The following PPIA variants were observed in gnomAD, a reference collection of about 807,000 sequenced individuals.
The protein encoded by PPIA is peptidyl-prolyl cis-trans isomerase A.
PPIA carries 2 observed loss-of-function variants against 15.3 expected under a neutral mutation model. The ratio of observed to expected loss-of-function variants is 0.13; its 90% CI spans 0.05 to 0.41. The LOEUF (loss-of-function observed/expected upper bound fraction) is 0.41. PPIA is among the 10% of genes least tolerant of loss of function. PPIA has a pLI of 0.99. For synonymous variants in PPIA, 67 were observed against 73.1 expected (o/e 0.92, Z 0.43); for missense variants, 103 against 210.3 (o/e 0.49, Z 3.16).
rs576293231 is a variant in PPIA at position 44,800,867 on chromosome 7, G to A, written c.363-420G>A. 7.2e-5 allele frequency among the ~76,000 whole-genome samples: 11 copies of A among 152,200 alleles called. No individual in the cohort carries two copies. The East Asian group carries it at 9.7e-4, about 13-fold the overall frequency. Reference sequence around the variant, plus strand: ...GAGTTTCGCTCTGTCGCCCAGGCTGGAGTGCAGTGGCGCGATCTCGGCTCA... The same window carrying A: ...GAGTTTCGCTCTGTCGCCCAGGCTGAAGTGCAGTGGCGCGATCTCGGCTCA... On this transcript the variant is annotated intron_variant, in intron 4 of 4. Coordinates refer to ENST00000468812, the MANE Select transcript of PPIA (RefSeq NM_021130.5).
chr7:44,799,975 A>G lies in PPIA; in HGVS notation c.362+101A>G, dbSNP rs894474022. 8.1e-6 allele frequency: 10 copies of G among 1,236,550 alleles called. No individual in the cohort carries two copies. In the African/African-American group the frequency reaches 1.5e-4, roughly 18 times the overall value. 76.6% of individuals were successfully genotyped at this position (1,236,550 alleles called of 1,614,324 possible). A position where few individuals can be genotyped will look rare whatever the true frequency, so the allele number is the denominator to read the frequency against. On this transcript the variant is annotated intron_variant, in intron 4 of 4. Transcript: ENST00000468812. The stretch of plus-strand genomic sequence containing the variant: ...TTTTCTTCAACCTTTGCTTCCACAG[A>G]CTTTTTCATCCCTAAGATACTAGAA...
chr7:44,799,484 C>G lies in PPIA; in HGVS notation c.189+4C>G. 11 of 1,609,976 alleles carry G rather than the reference C, an allele frequency of 6.8e-6. No homozygotes were observed. Among genetic ancestry groups the G allele is most frequent in the Non-Finnish European group, 9.3e-6 (11 of 1,178,816 alleles). The stretch of plus-strand genomic sequence containing the variant: ...TATTCCAGGGTTTATGTGTCAGGTA[C>G]GAAATTTACTGAATTTTATTTTATT... On this transcript the variant is annotated splice_donor_region_variant and intron_variant, in intron 3 of 4. Transcript: ENST00000468812.
chr7:44,802,384 G>C lies in PPIA; in HGVS notation c.*962G>C, dbSNP rs896643259. The C allele has an allele frequency of 6.6e-6, 1 of 152,036 alleles. No individual in the cohort carries two copies. Among genetic ancestry groups the C allele is most frequent in the Non-Finnish European group, 1.5e-5 (1 of 68,030 alleles). The allele number at this position is 152,036 out of a possible 1,614,324, so 9.4% of individuals were successfully genotyped here. On this transcript the variant is annotated 3_prime_UTR_variant, in exon 5 of 5. Transcript: ENST00000468812. ...GGCTGGTCTCAAACTCTTGACCTCA[G>C]CTGATGCGCCTGCCTTGGCCTCCCA... is the stretch of plus-strand genomic sequence containing the variant.
chr7:44,799,298 T>C lies in PPIA; in HGVS notation c.100+21T>C, dbSNP rs371860718. The C allele has an allele frequency of 1.1e-5, 17 of 1,613,302 alleles. No individual in the cohort carries two copies. The African/African-American group carries it at 2.0e-4, about 19-fold the overall frequency. On this transcript the variant is annotated intron_variant, in intron 2 of 4. Transcript: ENST00000468812. Reference sequence around the variant, plus strand: ...AGCAGGTTGGTCCATTTTCTAAGTTTAACAAAGATGTTCCAATTGTGACAG... The same window carrying C: ...AGCAGGTTGGTCCATTTTCTAAGTTCAACAAAGATGTTCCAATTGTGACAG...
At chr7:44,799,953 T>A in intron 4 of PPIA, 79 bp downstream of exon 4, 1 of 1,445,348 alleles carries the variant, frequency 6.9e-7, no homozygotes, top group Non-Finnish European at 9.5e-7. Context: ...ACACTACTTT[T>A]CTTCAACCTT....
intron 1 of PPIA, among the ~76,000 whole-genome samples, chr7:44,797,658 C>T (rs568083507): frequency 1.1e-4 from 16 of 152,272 alleles, no homozygotes; most frequent in African/African-American, 3.9e-4. Context: ...GTTTTGAGAG[C>T]GTTAAATGAG....
chr7:44,800,849 G>A (rs981875185), intron 4 of PPIA, among the ~76,000 whole-genome samples: 3 of 151,624 alleles, frequency 2.0e-5, no homozygotes, highest in East Asian at 2.0e-4. Context: ...ATGGAGTTTC[G>A]CTCTGTCGCC....
Position 44,796,780 on chromosome 7 carries a change from G to A in PPIA, c.56G>A (p.Arg19His). Residue 19 changes from arginine (R) to histidine (H), a missense_variant, in exon 1 of 5, where the codon CGC (arginine) becomes CAC (histidine). Arg to His is a conservative substitution (Grantham distance 29, BLOSUM62 0). Transcript: ENST00000468812. Reference protein sequence around the residue: ...DIAVDGEPLGRVSFELFADKV... With the variant: ...DIAVDGEPLGHVSFELFADKV... ...GCCGTCGACGGCGAGCCCTTGGGCC[G>A]CGTCTCCTTTGAGGTCGGGCGGGCG... 1 of 1,608,882 alleles carries A rather than the reference G, an allele frequency of 6.2e-7. No individual in the cohort carries two copies. Among genetic ancestry groups the A allele is most frequent in the Non-Finnish European group, 8.5e-7 (1 of 1,178,294 alleles).
chr7:44,800,848 C>G (rs1403582555), intron 4 of PPIA, among the ~76,000 whole-genome samples: 1 of 151,914 alleles, frequency 6.6e-6, no homozygotes, highest in East Asian at 1.9e-4. Context: ...GATGGAGTTT[C>G]GCTCTGTCGC....
Position 44,796,686 on chromosome 7 carries a change from G to C in PPIA, c.-39G>C, listed in dbSNP as rs773289798. On this transcript the variant is annotated 5_prime_UTR_variant, in exon 1 of 5. Transcript: ENST00000468812. ...CGGGAGGCCAGGCTCGTGCCGTTTT[G>C]CAGACGCCACCGCCGAGGAAAACCG... 2.6e-5 allele frequency: 41 copies of C among 1,600,132 alleles called. No homozygotes were observed. Among genetic ancestry groups the C allele is most frequent in the Admixed American group, 1.2e-4 (7 of 59,948 alleles).
chr7:44,802,091 G>A lies in PPIA; in HGVS notation c.*669G>A, dbSNP rs1225728868. The A allele has an allele frequency of 1.3e-5, 2 of 152,326 alleles. No homozygotes were observed. Among genetic ancestry groups the A allele is most frequent in the African/African-American group, 4.8e-5 (2 of 41,392 alleles). The allele number at this position is 152,326 out of a possible 1,614,324, so 9.4% of individuals were successfully genotyped here. A position where few individuals can be genotyped will look rare whatever the true frequency, so the allele number is the denominator to read the frequency against. On this transcript the variant is annotated 3_prime_UTR_variant, in exon 5 of 5. Transcript: ENST00000468812. Reference sequence around the variant, plus strand: ...AAAAGCAAGGAGCCAGAATTAAGAGGTTGGGTCAGTCTGCAGTGAGTTCAT... The same window carrying A: ...AAAAGCAAGGAGCCAGAATTAAGAGATTGGGTCAGTCTGCAGTGAGTTCAT...
chr7:44,800,397 G>GTTTTTTTTTTT (rs139479853), intron 4 of PPIA: 2 of 90,948 alleles, frequency 2.2e-5, no homozygotes, highest in African/African-American at 6.2e-5. Context: ...CCAATTAAGT[G>GTTTTTTTTTTT]CTTTTTTTTT....
Position 44,802,147 on chromosome 7 carries a change from T to C in PPIA, c.*725T>C, listed in dbSNP as rs560929101. 3 of 149,182 alleles carry C rather than the reference T, an allele frequency of 2.0e-5. No homozygotes were observed. In the Admixed American group the frequency reaches 2.0e-4, roughly 10 times the overall value. 9.2% of individuals were successfully genotyped at this position (149,182 alleles called of 1,614,324 possible). ...TAGAGGTGTTCTTCAAGATGACTAATGTCAAAAATTGAGACATCTGTTGCG... is the reference window on the plus strand; with the variant it reads ...TAGAGGTGTTCTTCAAGATGACTAACGTCAAAAATTGAGACATCTGTTGCG... On this transcript the variant is annotated 3_prime_UTR_variant, in exon 5 of 5. Transcript: ENST00000468812.
chr7:44,798,682 A>G, intron 1 of PPIA: 1 of 901,662 alleles, frequency 1.1e-6, no homozygotes, highest in African/African-American at 1.8e-5. Flanking sequence ...AACGTATTAT[A>G]CATTCAAGAA....
rs11539970 is a variant in PPIA, at chr7:44,796,712, T to A, written c.-13T>A. 8 of 1,609,890 alleles carry A rather than the reference T, an allele frequency of 5.0e-6. No homozygotes were observed. The highest frequency in any genetic ancestry group is 5.9e-6 in the Non-Finnish European group (7 of 1,178,442). ...CAGACGCCACCGCCGAGGAAAACCG[T>A]GTACTATTAGCCATGGTCAACCCCA... On this transcript the variant is annotated 5_prime_UTR_variant, in exon 1 of 5. Coordinates refer to ENST00000468812, the MANE Select transcript of PPIA (RefSeq NM_021130.5).
chr7:44,796,879 C>A, intron 1 of PPIA, 86 bp downstream of exon 1: 2 of 1,401,008 alleles, frequency 1.4e-6, no homozygotes, highest in Non-Finnish European at 9.6e-7. Context: ...GGCCCGGGCG[C>A]GGGGCGACCC....
chr7:44,800,788 T>A (rs1792529915), intron 4 of PPIA, among the ~76,000 whole-genome samples: 1 of 152,000 alleles, frequency 6.6e-6, no homozygotes, highest in African/African-American at 2.4e-5. Flanking sequence ...TTTTGTTTGT[T>A]TTTGGGGGAG....
rs980723407 is a variant in PPIA, at chr7:44,796,699, C to T, written c.-26C>T. ...TCGTGCCGTTTTGCAGACGCCACCG[C>T]CGAGGAAAACCGTGTACTATTAGCC... On this transcript the variant is annotated 5_prime_UTR_variant, in exon 1 of 5. Coordinates refer to ENST00000468812, the MANE Select transcript of PPIA (RefSeq NM_021130.5). The T allele has an allele frequency of 1.2e-6, 2 of 1,608,062 alleles. No homozygotes were observed. Among genetic ancestry groups the T allele is most frequent in the Admixed American group, 1.7e-5 (1 of 59,992 alleles).
chr7:44,797,457 C>T (rs1792410392), intron 1 of PPIA, among the ~76,000 whole-genome samples: 1 of 152,156 alleles, frequency 6.6e-6, no homozygotes, highest in Admixed American at 6.5e-5. Flanking sequence ...CCCCCACCCC[C>T]AAGCGGAAAT....
Sources: gnomAD v4.1 joint callset for allele counts (sites outside exome capture counted in the v4.1 genomes callset) on GRCh38, gnomAD v4.1.1 for gene constraint, MANE v1.5 for transcripts, NCBI Gene and HGNC (gene_info 2026-07-23, HGNC 2026-07-21) for gene names.